ROBO2: variants seen among roughly 807,000 people sequenced by gnomAD.
ROBO2 encodes the protein roundabout guidance receptor 2, also known as roundabout homolog 2.
In ROBO2, 53 loss-of-function variants were observed where a neutral mutation model predicts 160.8. The observed-to-expected ratio is 0.33, with a 90% CI of 0.26 to 0.41. ROBO2 has a LOEUF of 0.41. Among genes scored for constraint, ROBO2 ranks in the 10% least tolerant of loss-of-function variants. The pLI is 1.00. For synonymous variants in ROBO2, 664 were observed against 611.7 expected (o/e 1.09, Z -1.26); for missense variants, 1,577 against 1,722.4 (o/e 0.92, Z 1.49).
intron 2 of ROBO2, among the ~76,000 whole-genome samples, chr3:76,977,524 A>C (rs2149310539): frequency 6.6e-6 from 1 of 152,312 alleles, no homozygotes; most frequent in South Asian, 2.1e-4. Context: ...GTAATGGATT[A>C]TAAGGTACAG....
At chr3:77,008,207 A>G (rs1309055974) in intron 2 of ROBO2, among the ~76,000 whole-genome samples, 1 of 152,116 alleles carries the variant, frequency 6.6e-6, no homozygotes, top group Non-Finnish European at 1.5e-5. Flanking sequence ...TTGAAATTTA[A>G]AACAAATCAA....
intron 2 of ROBO2, among the ~76,000 whole-genome samples, chr3:76,132,880 T>C (rs1377962893): frequency 6.6e-6 from 1 of 152,038 alleles, no homozygotes; most frequent in Non-Finnish European, 1.5e-5. Flanking sequence ...AAGTGAGCCA[T>C]GGGAAGAAAG....
At chr3:76,603,120 A>G (rs2087290046) in intron 2 of ROBO2, among the ~76,000 whole-genome samples, 1 of 151,484 alleles carries the variant, frequency 6.6e-6, no homozygotes, top group Non-Finnish European at 1.5e-5. Flanking sequence ...TCATGAGGTC[A>G]GGAGATCGAG....
chr3:76,540,934 G>T (rs2082781054), intron 2 of ROBO2, among the ~76,000 whole-genome samples: 1 of 151,872 alleles, frequency 6.6e-6, no homozygotes, highest in African/African-American at 2.4e-5. Context: ...CAAGAAGCTG[G>T]GATTACAGGC....
Position 76,170,567 on chromosome 3 carries a change from C to T in ROBO2, c.109+232965C>T, listed in dbSNP as rs187109482. Among the ~76,000 whole-genome samples, 4 of 152,244 alleles carry T rather than the reference C, an allele frequency of 2.6e-5. No homozygotes were observed. The East Asian group carries it at 5.8e-4, about 22-fold the overall frequency. ...AAACAAATATAGGCAAAATGCGTAG[C>T]AGCACCTGTTTAGGCTCTCAAGCCA... On this transcript the variant is annotated intron_variant, in intron 2 of 26. Coordinates refer to the ROBO2 transcript ENST00000487694.
At chr3:76,967,185 A>C (rs1278288205) in intron 2 of ROBO2, among the ~76,000 whole-genome samples, 1 of 152,010 alleles carries the variant, frequency 6.6e-6, no homozygotes, top group Non-Finnish European at 1.5e-5. Flanking sequence ...CACTGGCACA[A>C]GCTGATGTTG....
intron 2 of ROBO2, among the ~76,000 whole-genome samples, chr3:77,380,011 A>G (rs986035152): frequency 6.6e-6 from 1 of 152,064 alleles, no homozygotes; most frequent in African/African-American, 2.4e-5. Context: ...GCCCTAAAAC[A>G]CTCAGGGAGG....
intron 2 of ROBO2, among the ~76,000 whole-genome samples, chr3:76,095,029 G>A (rs1373794764): frequency 1.3e-5 from 2 of 152,078 alleles, no homozygotes; most frequent in Non-Finnish European, 1.5e-5. Context: ...AGCATCAAAA[G>A]CAATAAGAAG....
At chr3:76,580,366 G>GTTTTTTTTTTTTTTTTTTTTCTT (rs2085622158) in intron 2 of ROBO2, among the ~76,000 whole-genome samples, 1 of 53,484 alleles carries the variant, frequency 1.9e-5, no homozygotes, top group Non-Finnish European at 3.7e-5. Flanking sequence ...TTTTTTTTTT[G>GTTTTTTTTTTTTTTTTTTTTCTT]GTTTTTTTCT....
chr3:76,449,818 A>C (rs1255091084), intron 2 of ROBO2, among the ~76,000 whole-genome samples: 1 of 152,168 alleles, frequency 6.6e-6, no homozygotes, highest in African/African-American at 2.4e-5. Context: ...GGAATCACGA[A>C]TAAACATTTT....
chr3:76,116,824 C>G (rs1559564065), intron 2 of ROBO2, among the ~76,000 whole-genome samples: 1 of 152,122 alleles, frequency 6.6e-6, no homozygotes, highest in Non-Finnish European at 1.5e-5. Flanking sequence ...CTTTCCTCAC[C>G]CTTAATTTAG....
rs200470172 is a variant in ROBO2, at chr3:76,038,792, A to G, written c.109+101190A>G. ...CGTGTGTGTGTGTGTGTGTGTGTGT[A>G]TGTATGTGTGTGTGTGTGTGTGTTT... On this transcript the variant is annotated intron_variant, in intron 2 of 26. Transcript: ENST00000487694. Among the ~76,000 whole-genome samples the G allele has an allele frequency of 1.9e-4, 9 of 48,016 alleles. No individual in the cohort carries two copies. In the East Asian group the frequency reaches 3.2e-3, roughly 17 times the overall value. The allele number at this position is 48,016 out of a possible 152,430, so 31.5% of individuals were successfully genotyped here. A position where few individuals can be genotyped will look rare whatever the true frequency, so the allele number is the denominator to read the frequency against.
chr3:76,636,655 AG>A (rs1229566859), intron 2 of ROBO2, among the ~76,000 whole-genome samples: 1 of 152,124 alleles, frequency 6.6e-6, no homozygotes, highest in Non-Finnish European at 1.5e-5. Context: ...TTTGAGCAAA[AG>A]TCTAGATAAG....
intron 2 of ROBO2, among the ~76,000 whole-genome samples, chr3:77,387,834 T>C (rs532663637): frequency 1.3e-5 from 2 of 152,236 alleles, no homozygotes; most frequent in East Asian, 3.9e-4. Context: ...CTGCTCCTTT[T>C]GTTCTGCACC....
At chr3:77,225,333 C>T (rs541862182) in intron 2 of ROBO2, among the ~76,000 whole-genome samples, 19 of 151,806 alleles carry the variant, frequency 1.3e-4, no homozygotes, top group Non-Finnish European at 1.5e-5. Flanking sequence ...ATATTTCCTC[C>T]CATTTTACTT....
At chr3:76,064,149 A>T (rs2068162618) in intron 2 of ROBO2, among the ~76,000 whole-genome samples, 1 of 152,154 alleles carries the variant, frequency 6.6e-6, no homozygotes, top group Admixed American at 6.5e-5. Context: ...CGACACCTTG[A>T]TTTTAGCCTC....
intron 2 of ROBO2, among the ~76,000 whole-genome samples, chr3:76,529,750 T>C (rs1323477289): frequency 6.6e-6 from 1 of 152,192 alleles, no homozygotes; most frequent in East Asian, 1.9e-4. Flanking sequence ...AAGCATGTTG[T>C]CTTTCAGTTA....
chr3:75,972,830 T>C (rs1462873658), intron 2 of ROBO2, among the ~76,000 whole-genome samples: 1 of 151,576 alleles, frequency 6.6e-6, no homozygotes, highest in African/African-American at 2.4e-5. Context: ...ACAAACAACC[T>C]AAGTCCCTCT....
chr3:77,211,947 T>C (rs1042391089), intron 2 of ROBO2, among the ~76,000 whole-genome samples: 2 of 152,346 alleles, frequency 1.3e-5, no homozygotes, highest in Admixed American at 6.5e-5. Context: ...TCTGTTTTGG[T>C]ACCAGTACCA....
Sources: allele counts gnomAD v4.1 joint callset (sites outside exome capture counted in the v4.1 genomes callset), GRCh38; gene constraint gnomAD v4.1.1; transcripts MANE v1.5; gene names NCBI Gene and HGNC (gene_info 2026-07-23, HGNC 2026-07-21).